The following ASPH variants were observed in gnomAD, a reference collection of about 807,000 sequenced individuals.
The protein encoded by ASPH is aspartate beta-hydroxylase, also known as aspartyl/asparaginyl beta-hydroxylase.
A neutral mutation model predicts 118.4 loss-of-function variants in ASPH; 100 were observed. That is an observed-to-expected ratio of 0.84 (90% CI 0.72 to 1.00). The LOEUF is 1.00. ASPH is among the 50% of genes least tolerant of loss of function. The pLI is 0.00. For missense variants in ASPH, 920 were observed against 919.5 expected (o/e 1.00, Z -0.01); for synonymous variants, 315 against 325.6 (o/e 0.97, Z 0.35).
intron 1 of ASPH, among the ~76,000 whole-genome samples, chr8:61,712,273 GA>G (rs1352186374): frequency 6.6e-6 from 1 of 152,168 alleles, no homozygotes; most frequent in African/African-American, 2.4e-5. Flanking sequence ...AGCATTAAAA[GA>G]AAAGCCGGCT....
intron 16 of ASPH, among the ~76,000 whole-genome samples, chr8:61,569,535 C>G (rs941607061): frequency 6.6e-6 from 1 of 151,880 alleles, no homozygotes; most frequent in Non-Finnish European, 1.5e-5. Context: ...AACAAACAAA[C>G]CTAAGAATCA....
At chr8:61,662,898 A>G in intron 3 of ASPH, 1 of 984,554 alleles carries the variant, frequency 1.0e-6, no homozygotes, top group Non-Finnish European at 1.2e-6. Context: ...AAATATTTTC[A>G]CTCATTTGTT....
chr8:61,650,998 A>T, intron 5 of ASPH, 52 bp downstream of exon 5: 2 of 1,513,214 alleles, frequency 1.3e-6, no homozygotes, highest in Non-Finnish European at 1.8e-6. Flanking sequence ...CATTTTACAT[A>T]ACTAAGCGTT....
chr8:61,603,191 CAAAAAAAAAAAA>C (rs11336705), intron 14 of ASPH, among the ~76,000 whole-genome samples: 11 of 61,354 alleles, frequency 1.8e-4, no homozygotes, highest in African/African-American at 5.9e-4. Context: ...AGACTTGTCT[CAAAAAAAAAAAA>C]AAAAAAAAAA....
rs187902924 is a variant in ASPH, at chr8:61,562,930, C to A, written c.1301-50G>T. The stretch of plus-strand genomic sequence containing the variant: ...AATAGAAATAAAAACAGATTATGTA[C>A]ACTTTTGTATTGAGAATGTAAGTCA... On this transcript the variant is annotated intron_variant, in intron 17 of 24. Transcript: ENST00000379454. 11 of 1,509,844 alleles carry A rather than the reference C, an allele frequency of 7.3e-6. No homozygotes were observed. In the South Asian group the frequency reaches 8.1e-5, roughly 11 times the overall value. The allele number at this position is 1,509,844 out of a possible 1,614,324, so 93.5% of individuals were successfully genotyped here.
chr8:61,654,812 AC>A (rs1285034473), intron 3 of ASPH, among the ~76,000 whole-genome samples: 1 of 152,118 alleles, frequency 6.6e-6, no homozygotes, highest in Non-Finnish European at 1.5e-5. Context: ...ACCAACACAT[AC>A]AGTTGTGTTC....
At chr8:61,643,691 C>T (rs1449686401) in intron 8 of ASPH, among the ~76,000 whole-genome samples, 1 of 152,208 alleles carries the variant, frequency 6.6e-6, no homozygotes, top group East Asian at 1.9e-4. Context: ...TTCAAATATT[C>T]TTTCCAGCAC....
chr8:61,532,379 T>A (rs1340127748), intron 21 of ASPH, among the ~76,000 whole-genome samples: 1 of 152,188 alleles, frequency 6.6e-6, no homozygotes. Context: ...AATTGGGTTA[T>A]TCAGTTTTTT....
intron 14 of ASPH, among the ~76,000 whole-genome samples, chr8:61,601,521 C>T (rs1843971610): frequency 6.9e-6 from 1 of 145,930 alleles, no homozygotes; most frequent in Non-Finnish European, 1.5e-5. Flanking sequence ...GCCTGGGTGA[C>T]AGAGTGAGAC....
At chr8:61,572,856 G>A (rs1833888369) in intron 16 of ASPH, among the ~76,000 whole-genome samples, 2 of 152,178 alleles carry the variant, frequency 1.3e-5, no homozygotes, top group Non-Finnish European at 2.9e-5. Context: ...TGGAAGTTCT[G>A]GCCAGGGTAA....
chr8:61,658,774 C>G (rs1392842884), intron 3 of ASPH: 1 of 152,100 alleles, frequency 6.6e-6, no homozygotes, highest in Non-Finnish European at 1.5e-5. Flanking sequence ...CTTTTGGGTT[C>G]TTCAAAAACA....
chr8:61,576,228 G>A (rs1587477352), intron 16 of ASPH, among the ~76,000 whole-genome samples: 10 of 152,186 alleles, frequency 6.6e-5, no homozygotes, highest in Admixed American at 6.5e-4. Context: ...GTGGGTTTAT[G>A]CAGTTACAGG....
chr8:61,639,610 T>C (rs1804120461), intron 10 of ASPH, among the ~76,000 whole-genome samples: 1 of 152,176 alleles, frequency 6.6e-6, no homozygotes, highest in Non-Finnish European at 1.5e-5. Flanking sequence ...AACCACCTCA[T>C]GTCTCCCTCA....
At chr8:61,507,739 G>C (rs966293939) in intron 24 of ASPH, among the ~76,000 whole-genome samples, 1 of 152,166 alleles carries the variant, frequency 6.6e-6, no homozygotes, top group Admixed American at 6.5e-5. Context: ...ACTCTCATTA[G>C]AATGCAAAGA....
intron 15 of ASPH, chr8:61,583,187 T>C (rs1290490285): frequency 1.3e-5 from 2 of 152,096 alleles, no homozygotes; most frequent in Non-Finnish European, 2.9e-5. Context: ...ACTGACCTAG[T>C]TTTTCTTTTT....
chr8:61,705,285 CT>C (rs1280483689), intron 1 of ASPH, among the ~76,000 whole-genome samples: 1 of 152,118 alleles, frequency 6.6e-6, no homozygotes, highest in African/African-American at 2.4e-5. Context: ...AAAAAAGCTA[CT>C]CAGCAGGTAT....
At chr8:61,610,727 G>A (rs994358056) in intron 14 of ASPH, among the ~76,000 whole-genome samples, 1 of 152,208 alleles carries the variant, frequency 6.6e-6, no homozygotes, top group African/African-American at 2.4e-5. Context: ...ACTAGGCATA[G>A]TGGTTAGCTG....
intron 1 of ASPH, among the ~76,000 whole-genome samples, chr8:61,698,395 G>C (rs1337567325): frequency 6.6e-6 from 1 of 152,234 alleles, no homozygotes; most frequent in African/African-American, 2.4e-5. Flanking sequence ...AAAGCCTTTA[G>C]GCTGAACTTG....
Position 61,651,081 on chromosome 8 carries a change from G to A in ASPH, c.459C>T (p.Ser153=), listed in dbSNP as rs765191170. 2.5e-6 allele frequency: 4 copies of A among 1,613,436 alleles called. No homozygotes were observed. Among genetic ancestry groups the A allele is most frequent in the East Asian group, 2.2e-5 (1 of 44,794 alleles). Reference sequence around the variant, plus strand: ...CTGCGTGTACCATTTCATGGAGAAGGGACTGAATTTGTTCTTTTGCTTCAT... The same window carrying A: ...CTGCGTGTACCATTTCATGGAGAAGAGACTGAATTTGTTCTTTTGCTTCAT... The part of the protein sequence containing the change: ...IEDEAKEQIQ[S]LLHEMVHAEH... The change falls in exon 5 of 25, where the codon TCC becomes TCT. Residue 153 remains serine, a synonymous_variant. Transcript: ENST00000379454.
Sources: gnomAD v4.1 joint callset for allele counts (sites outside exome capture counted in the v4.1 genomes callset) on GRCh38, gnomAD v4.1.1 for gene constraint, MANE v1.5 for transcripts, NCBI Gene and HGNC (gene_info 2026-07-23, HGNC 2026-07-21) for gene names.